The following OVAAL variants were observed in gnomAD, a reference collection of about 807,000 sequenced individuals.
OVAAL encodes the protein ovarian adenocarcinoma amplified long non-coding RNA.
chr1:180,563,878 C>G (rs1653250859), intron 2 of OVAAL, among the ~76,000 whole-genome samples: 1 of 152,096 alleles, frequency 6.6e-6, no homozygotes, highest in East Asian at 1.9e-4. Flanking sequence ...GGGAGACTGC[C>G]TTTCCCTGGA....
intron 2 of OVAAL, among the ~76,000 whole-genome samples, chr1:180,564,826 T>C (rs1181839694): frequency 6.6e-6 from 1 of 152,070 alleles, no homozygotes; most frequent in Non-Finnish European, 1.5e-5. Context: ...GTAAACCCAC[T>C]GATGTTTGAG....
chr1:180,559,250 C>T (rs562161492), intron 1 of OVAAL, among the ~76,000 whole-genome samples: 44 of 152,146 alleles, frequency 2.9e-4, no homozygotes, highest in Middle Eastern at 3.4e-3. Context: ...CAGAAAAAGA[C>T]GGGAAAATGT....
chr1:180,563,161 C>T (rs890103070), intron 2 of OVAAL, among the ~76,000 whole-genome samples: 2 of 152,106 alleles, frequency 1.3e-5, no homozygotes, highest in East Asian at 3.9e-4. Context: ...CTCCTGCAGG[C>T]CCTAGGATGC....
chr1:180,562,903 T>C (rs1009121699), intron 2 of OVAAL, among the ~76,000 whole-genome samples: 1 of 152,246 alleles, frequency 6.6e-6, no homozygotes, highest in Admixed American at 6.5e-5. Flanking sequence ...CTGGTTAGAC[T>C]AATTTCCTAG....
chr1:180,561,496 G>C (rs1239837991), intron 1 of OVAAL, among the ~76,000 whole-genome samples: 1 of 152,168 alleles, frequency 6.6e-6, no homozygotes, highest in African/African-American at 2.4e-5. Context: ...ACAGCTCTCA[G>C]CATCGGGTTA....
At chr1:180,564,740 G>A (rs1233232508) in intron 2 of OVAAL, among the ~76,000 whole-genome samples, 1 of 152,068 alleles carries the variant, frequency 6.6e-6, no homozygotes, top group Non-Finnish European at 1.5e-5. Flanking sequence ...CTCCCTGCTC[G>A]ATGTTCACCT....
chr1:180,561,612 G>A (rs1273059918), intron 1 of OVAAL, among the ~76,000 whole-genome samples: 1 of 152,220 alleles, frequency 6.6e-6, no homozygotes, highest in African/African-American at 2.4e-5. Context: ...TGATCTGTGA[G>A]AAGCTGTAGG....
chr1:180,561,303 T>G (rs3845398), intron 1 of OVAAL, among the ~76,000 whole-genome samples: 135,739 of 152,238 alleles, frequency 0.89, 60,632 homozygotes, highest in South Asian at 0.97. Context: ...CCAGCTGCAG[T>G]TATGGCAAGA....
intron 1 of OVAAL, among the ~76,000 whole-genome samples, chr1:180,560,321 A>G (rs1653177018): frequency 6.6e-6 from 1 of 152,202 alleles, no homozygotes; most frequent in East Asian, 1.9e-4. Context: ...AGCACTCGAT[A>G]TAAGAACTGT....
intron 1 of OVAAL, among the ~76,000 whole-genome samples, chr1:180,561,034 T>C (rs1480378017): frequency 6.6e-6 from 1 of 152,168 alleles, no homozygotes; most frequent in Non-Finnish European, 1.5e-5. Context: ...CTTGAGTCAC[T>C]GCATTCCAGG....
exon 3 of OVAAL, chr1:180,566,489 C>T (rs1653289850): frequency 6.6e-6 from 1 of 152,206 alleles, no homozygotes; most frequent in African/African-American, 2.4e-5. Context: ...TTTTGAAAAC[C>T]TGTGCCCTTT....
At chr1:180,559,689 C>T (rs923716782) in intron 1 of OVAAL, among the ~76,000 whole-genome samples, 11 of 151,944 alleles carry the variant, frequency 7.2e-5, no homozygotes, top group African/African-American at 1.2e-4. Context: ...GGGTGGATCA[C>T]GAGGTCAGGA....
intron 2 of OVAAL, among the ~76,000 whole-genome samples, chr1:180,564,863 A>G (rs1169027842): frequency 2.0e-5 from 3 of 152,102 alleles, no homozygotes; most frequent in Non-Finnish European, 4.4e-5. Context: ...TTAAATCGGG[A>G]TCTCCAGGGG....
chr1:180,565,455 T>G (rs1199565829), exon 3 of OVAAL: 1 of 152,246 alleles, frequency 6.6e-6, no homozygotes, highest in Non-Finnish European at 1.5e-5. Flanking sequence ...GCCTTGTGTA[T>G]CAAAGTGCCA....
intron 1 of OVAAL, among the ~76,000 whole-genome samples, chr1:180,559,417 T>G (rs1335905935): frequency 6.6e-6 from 1 of 152,212 alleles, no homozygotes. Context: ...GCAAATAGAC[T>G]GGCAGCATTT....
intron 1 of OVAAL, among the ~76,000 whole-genome samples, chr1:180,561,719 T>A (rs538244774): frequency 1.9e-3 from 193 of 103,696 alleles, no homozygotes; most frequent in African/African-American, 5.8e-3. Flanking sequence ...TTTAATTTTA[T>A]TTTTTTTTTA....
intron 1 of OVAAL, among the ~76,000 whole-genome samples, chr1:180,560,829 C>CTT (rs1353703246): frequency 1.3e-5 from 2 of 152,192 alleles, no homozygotes; most frequent in African/African-American, 4.8e-5. Flanking sequence ...TAGTAACTTA[C>CTT]ATAGTAATCA....
At chr1:180,565,700 T>A (rs577614305) in exon 3 of OVAAL, 1 of 152,158 alleles carries the variant, frequency 6.6e-6, no homozygotes, top group Non-Finnish European at 1.5e-5. Context: ...GCTTTACTCA[T>A]CCACTGAGTA....
chr1:180,560,023 T>G (rs1653173370), intron 1 of OVAAL, among the ~76,000 whole-genome samples: 1 of 152,200 alleles, frequency 6.6e-6, no homozygotes, highest in African/African-American at 2.4e-5. Context: ...GCTAAGCATC[T>G]TCCATGCTTT....
Sources: gnomAD v4.1 joint callset for allele counts (sites outside exome capture counted in the v4.1 genomes callset) on GRCh38, gnomAD v4.1.1 for gene constraint, MANE v1.5 for transcripts, NCBI Gene and HGNC (gene_info 2026-07-23, HGNC 2026-07-21) for gene names.